BRF1: variants seen among roughly 807,000 people sequenced by gnomAD.
BRF1 encodes BRF1 general transcription factor IIIB subunit, also known as transcription factor IIIB 90 kDa subunit.
Under a neutral mutation model 81.7 loss-of-function variants are expected in BRF1, and 59 were observed. The ratio of observed to expected loss-of-function variants is 0.72; its 90% CI spans 0.59 to 0.90. The LOEUF (loss-of-function observed/expected upper bound fraction) is 0.90, where lower values mean the gene tolerates loss of function less well. BRF1 is among the 40% of genes least tolerant of loss of function. BRF1 has a pLI of 0.00. For synonymous variants in BRF1, 491 were observed against 395.6 expected (o/e 1.24, Z -2.86); for missense variants, 1,050 against 936.3 (o/e 1.12, Z -1.58).
At chr14:105,226,947 C>CA (rs769464416) in intron 7 of BRF1, 187 bp from the exon 8 acceptor site, 34,433 of 458,438 alleles carry the variant, frequency 0.075, 59 homozygotes, top group Admixed American at 0.1. Context: ...TGTCTCTACC[C>CA]AAAAAAAAAA....
At position 105,258,215 on chromosome 14, in the gene BRF1, G is replaced by A. The variant is rs925197240; in HGVS notation, c.440-1666C>T. 7.2e-5 allele frequency among the ~76,000 whole-genome samples: 11 copies of A among 152,374 alleles called. No homozygotes were observed. The South Asian group carries it at 1.2e-3, about 17-fold the overall frequency. On this transcript the variant is annotated intron_variant, in intron 3 of 17. Coordinates refer to ENST00000547530, the MANE Select transcript of BRF1 (RefSeq NM_001519.4). ...AGAAATAAACTCTACTGGGCTGGAC[G>A]CGGTGACTCACGCCTGTAATCCCAG...
chr14:105,274,794 G>A (rs2056811678), intron 2 of BRF1, among the ~76,000 whole-genome samples: 1 of 152,226 alleles, frequency 6.6e-6, no homozygotes, highest in South Asian at 2.1e-4. Context: ...AGCACAGGCT[G>A]TGTGGGGAGC....
rs1477247559 is a variant in BRF1, at chr14:105,210,760, T to A, written c.1997-172A>T. 6.7e-6 allele frequency among the ~76,000 whole-genome samples: 1 copy of A among 149,064 alleles called. No homozygotes were observed. Among genetic ancestry groups the A allele is most frequent in the African/African-American group, 2.5e-5 (1 of 40,698 alleles). ...TGGGCTCCTCTCCACCTCCCGGGAC[T>A]GGCATGCACCCAGAGCAGGGCCTTG... On this transcript the variant is annotated intron_variant, in intron 17 of 17. Coordinates refer to ENST00000547530, the MANE Select transcript of BRF1 (RefSeq NM_001519.4). This position sits in a 1 kb window ranked among gnomAD's most constrained non-coding sequence, Gnocchi z 4.7.
At chr14:105,288,591 C>T (rs1030341008) in intron 1 of BRF1, among the ~76,000 whole-genome samples, 6 of 151,880 alleles carry the variant, frequency 4.0e-5, no homozygotes, top group Admixed American at 3.9e-4. Context: ...GAGTTCAATA[C>T]CAGCCTGGGC....
At chr14:105,221,611 T>C in intron 11 of BRF1, 37 bp downstream of exon 11, 1 of 1,585,434 alleles carries the variant, frequency 6.3e-7, no homozygotes, top group South Asian at 1.2e-5. Context: ...GATCTCCCGA[T>C]GACCTCAGCG....
intron 6 of BRF1, among the ~76,000 whole-genome samples, chr14:105,229,368 C>A (rs1184324333): frequency 6.6e-6 from 1 of 152,200 alleles, no homozygotes. Flanking sequence ...ATCATGTGTG[C>A]AGATGGAACG....
intron 5 of BRF1, chr14:105,247,549 G>A (rs1269212489): frequency 6.1e-6 from 6 of 985,258 alleles, no homozygotes; most frequent in East Asian, 1.1e-4. Context: ...TTCTGAAGAG[G>A]ACTCTCCCAG....
Position 105,286,285 on chromosome 14 carries a change from G to C in BRF1, c.265+11C>G. Reference sequence around the variant, plus strand: ...CGCCGCACGCTCAGCAGCATCCGCGGTGGGAAATACCATTCTGCAGGGTCT... The same window carrying C: ...CGCCGCACGCTCAGCAGCATCCGCGCTGGGAAATACCATTCTGCAGGGTCT... On this transcript the variant is annotated intron_variant, in intron 2 of 17. Coordinates refer to ENST00000547530, the MANE Select transcript of BRF1 (RefSeq NM_001519.4). 1.2e-6 allele frequency: 2 copies of C among 1,611,252 alleles called. No homozygotes were observed. The highest frequency in any genetic ancestry group is 1.7e-6 in the Non-Finnish European group (2 of 1,178,946).
chr14:105,217,050 C>T (rs1402238815), intron 15 of BRF1, among the ~76,000 whole-genome samples: 2 of 152,218 alleles, frequency 1.3e-5, no homozygotes, highest in African/African-American at 2.4e-5. Context: ...TGCAGAGCCT[C>T]GTGACCCTGT....
intron 15 of BRF1, among the ~76,000 whole-genome samples, chr14:105,214,153 T>C (rs1316867101): frequency 6.6e-6 from 1 of 152,196 alleles, no homozygotes; most frequent in Non-Finnish European, 1.5e-5. Context: ...CAGCCCAGCC[T>C]GGGGGGATCC....
rs587617537 is a variant in BRF1 at position 105,258,263 on chromosome 14, T to C, written c.440-1714A>G. ...CAGCACTTCGGGAGGCCGAGGTGGG[T>C]GGATCACAAGGTCAGGAGATCGAGA... is the stretch of plus-strand genomic sequence containing the variant. On this transcript the variant is annotated intron_variant, in intron 3 of 17. Coordinates refer to ENST00000547530, the MANE Select transcript of BRF1 (RefSeq NM_001519.4). Among the ~76,000 whole-genome samples, 29 of 145,866 alleles carry C rather than the reference T, an allele frequency of 2.0e-4. No homozygotes were observed. The South Asian group carries it at 5.5e-3, about 28-fold the overall frequency.
chr14:105,257,590 G>C (rs1212611778), intron 3 of BRF1, among the ~76,000 whole-genome samples: 2 of 152,164 alleles, frequency 1.3e-5, no homozygotes, highest in Non-Finnish European at 2.9e-5. Context: ...AGGTGCATCT[G>C]AAGGCAGGCA....
intron 15 of BRF1, among the ~76,000 whole-genome samples, chr14:105,215,478 ACACACACGTACTGAGTGCACCAACG>A (rs1342633528): frequency 1.2e-4 from 19 of 152,252 alleles, no homozygotes; most frequent in Non-Finnish European, 1.6e-4. Flanking sequence ...ACACATGCAC[ACACACACGTACTGAGTGCACCAACG>A]CACACACGTA....
intron 12 of BRF1, chr14:105,219,752 T>C: frequency 2.1e-6 from 1 of 483,400 alleles, no homozygotes; most frequent in South Asian, 2.7e-5. Flanking sequence ...TGCCCTCTTG[T>C]GTCTAGAGAC....
rs587742311 is a variant in BRF1, at chr14:105,295,625, A to T, written c.184+4821T>A. Reference sequence around the variant, plus strand: ...ACCCTGTCTCCCCAACCAAAAAAAAATTTTTTTAATTAGCTGGGCATGGTA... The same window carrying T: ...ACCCTGTCTCCCCAACCAAAAAAAATTTTTTTTAATTAGCTGGGCATGGTA... On this transcript the variant is annotated intron_variant, in intron 1 of 17. Coordinates refer to ENST00000547530, the MANE Select transcript of BRF1 (RefSeq NM_001519.4). Among the ~76,000 whole-genome samples the T allele has an allele frequency of 3.8e-4, 57 of 151,514 alleles. No homozygotes were observed. In the East Asian group the frequency reaches 4.1e-3, roughly 11 times the overall value.
At chr14:105,246,618 C>T (rs1202280418) in intron 5 of BRF1, among the ~76,000 whole-genome samples, 2 of 151,148 alleles carry the variant, frequency 1.3e-5, no homozygotes, top group Non-Finnish European at 2.9e-5. Flanking sequence ...TACAGGTGCC[C>T]GTTAATTTTT....
intron 1 of BRF1, chr14:105,314,867 C>T (rs1173566599): frequency 3.0e-5 from 26 of 865,588 alleles, no homozygotes; most frequent in Non-Finnish European, 3.2e-5. Context: ...CGCCGCGCGT[C>T]CGCGGCCCGG....
At chr14:105,241,099 A>T (rs587652869) in intron 6 of BRF1, among the ~76,000 whole-genome samples, 166 bp downstream of exon 6, 106 of 152,282 alleles carry the variant, frequency 7.0e-4, no homozygotes, top group Non-Finnish European at 7.6e-4. Context: ...GAGGTCCTGG[A>T]GGGCTGAGGA....
chr14:105,310,622 G>A (rs1022977460), intron 1 of BRF1, among the ~76,000 whole-genome samples: 1 of 152,106 alleles, frequency 6.6e-6, no homozygotes, highest in East Asian at 1.9e-4. Flanking sequence ...GTTGCGTTGG[G>A]TGAGGGTTCC....
Sources: gnomAD v4.1 joint callset for allele counts (sites outside exome capture counted in the v4.1 genomes callset) on GRCh38, gnomAD v4.1.1 for gene constraint, Gnocchi (gnomAD v3.1) non-coding constraint, MANE v1.5 for transcripts, NCBI Gene and HGNC (gene_info 2026-07-23, HGNC 2026-07-21) for gene names.